Variants in PALD1 observed in about 807,000 individuals in gnomAD.
PALD1 encodes the protein paladin.
A neutral mutation model predicts 96.0 loss-of-function variants in PALD1; 57 were observed. The observed-to-expected ratio is 0.59, with a 90% CI of 0.48 to 0.74. PALD1 has a LOEUF of 0.74. Among genes scored for constraint, PALD1 ranks in the 30% least tolerant of loss-of-function variants. The pLI is 0.00. For missense variants in PALD1, 1,063 were observed against 1,143.7 expected (o/e 0.93, Z 1.02); for synonymous variants, 464 against 473.6 (o/e 0.98, Z 0.26).
intron 10 of PALD1, among the ~76,000 whole-genome samples, chr10:70,535,056 C>G (rs1010870369): frequency 2.0e-5 from 3 of 152,230 alleles, no homozygotes; most frequent in Non-Finnish European, 4.4e-5. Flanking sequence ...TGACCAGGTC[C>G]CTTCAGCTGC....
chr10:70,478,089 T>A (rs1299489512), upstream of PALD1, among the ~76,000 whole-genome samples: 1 of 145,528 alleles, frequency 6.9e-6, no homozygotes, highest in East Asian at 2.1e-4. Context: ...TGGAGCCGCA[T>A]GATGGGTGGG....
chr10:70,535,825 T>C (rs1847104715), intron 10 of PALD1, among the ~76,000 whole-genome samples: 1 of 152,040 alleles, frequency 6.6e-6, no homozygotes, highest in Admixed American at 6.6e-5. Flanking sequence ...CTCAACCTCC[T>C]GAGTATCTGG....
At chr10:70,491,840 G>A (rs969377377) in intron 1 of PALD1, among the ~76,000 whole-genome samples, 4 of 152,188 alleles carry the variant, frequency 2.6e-5, no homozygotes, top group Admixed American at 1.3e-4. Flanking sequence ...GGGGAATCAT[G>A]TAATATGTGA....
In PALD1 at chr10:70,539,386, C is replaced by A; in HGVS notation, c.1725+139C>A. 3 of 1,066,554 alleles carry A rather than the reference C, an allele frequency of 2.8e-6. No individual in the cohort carries two copies. Among genetic ancestry groups the A allele is most frequent in the Non-Finnish European group, 4.0e-6 (3 of 758,166 alleles). The allele number at this position is 1,066,554 out of a possible 1,614,324, so 66.1% of individuals were successfully genotyped here. A position where few individuals can be genotyped will look rare whatever the true frequency, so the allele number is the denominator to read the frequency against. On this transcript the variant is annotated intron_variant, in intron 14 of 19. Transcript: ENST00000263563. The surrounding 1 kb of genome is among the most constrained non-coding windows in gnomAD (Gnocchi z 4.5). ...GGGAGGAGCAGTGTCAGGGAGTGGC[C>A]AACTCAGGATTCCCACTAAAGTGCT... is the stretch of plus-strand genomic sequence containing the variant.
At chr10:70,564,013 G>A (rs547550689) in intron 18 of PALD1, among the ~76,000 whole-genome samples, 3 of 152,308 alleles carry the variant, frequency 2.0e-5, no homozygotes, top group East Asian at 3.9e-4. Flanking sequence ...CATCGGTCCT[G>A]CCGTGTGGGA....
intron 7 of PALD1, among the ~76,000 whole-genome samples, chr10:70,533,530 A>T (rs1271784671): frequency 6.6e-6 from 1 of 151,816 alleles, no homozygotes; most frequent in Middle Eastern, 3.2e-3. Flanking sequence ...ACCTCTCTAG[A>T]CCTCAGTTCC....
In PALD1 at chr10:70,534,116, G is replaced by A. The variant is rs80023118; in HGVS notation, c.1022+43G>A. 2.1e-3 allele frequency: 3,148 copies of A among 1,515,846 alleles called. 97 individuals are homozygous for A. In the East Asian group the frequency reaches 0.054, roughly 26 times the overall value. The allele number at this position is 1,515,846 out of a possible 1,614,324, so 93.9% of individuals were successfully genotyped here. A position where few individuals can be genotyped will look rare whatever the true frequency, so the allele number is the denominator to read the frequency against. On this transcript the variant is annotated intron_variant, in intron 8 of 19. Coordinates refer to ENST00000263563, the MANE Select transcript of PALD1 (RefSeq NM_014431.3). ...CAGCGTCCTGAAGGGCTGTGGGGCC[G>A]AGGAGGGGACAGGCTGCCCCACAGT...
intron 18 of PALD1, among the ~76,000 whole-genome samples, chr10:70,551,774 G>C (rs1847484574): frequency 6.6e-6 from 1 of 152,168 alleles, no homozygotes; most frequent in African/African-American, 2.4e-5. Context: ...TTGGAGGTCA[G>C]TTTCCTGTTG....
chr10:70,473,901 C>G (rs1049516481), upstream of PALD1, among the ~76,000 whole-genome samples: 17 of 112,860 alleles, frequency 1.5e-4, no homozygotes, highest in Non-Finnish European at 2.2e-4. Context: ...ACCCCCCCCC[C>G]CTCAGCCTCC....
intron 1 of PALD1, among the ~76,000 whole-genome samples, chr10:70,500,607 C>G (rs574451315): frequency 4.6e-5 from 7 of 152,252 alleles, no homozygotes; most frequent in African/African-American, 1.7e-4. Flanking sequence ...TTTCGGGAAG[C>G]CTTCCCAGAG....
chr10:70,496,759 G>A (rs1846202185), intron 1 of PALD1, among the ~76,000 whole-genome samples: 1 of 152,164 alleles, frequency 6.6e-6, no homozygotes, highest in South Asian at 2.1e-4. Context: ...GCTTCTCTAG[G>A]ACGTAGAGCC....
chr10:70,506,411 A>T (rs1277630375), intron 1 of PALD1, among the ~76,000 whole-genome samples: 1 of 152,154 alleles, frequency 6.6e-6, no homozygotes, highest in South Asian at 2.1e-4. Flanking sequence ...GGACCCCTGG[A>T]AGGAAGGCGC....
At chr10:70,529,152 CTG>C (rs1589197288) in intron 2 of PALD1, 75 bp from the exon 3 acceptor site, 1 of 633,882 alleles carries the variant, frequency 1.6e-6, no homozygotes, top group East Asian at 3.2e-5. Flanking sequence ...GCGGTGGGCT[CTG>C]TGAGGGTGGA....
At chr10:70,459,939 T>TAA in the PALD1 span, among the ~76,000 whole-genome samples, 2 of 152,200 alleles carry the variant, frequency 1.3e-5, no homozygotes, top group Non-Finnish European at 2.9e-5. Context: ...ACTCCCCGCT[T>TAA]CACGGTCACC....
chr10:70,460,394 G>T, the PALD1 span, among the ~76,000 whole-genome samples: 1 of 152,098 alleles, frequency 6.6e-6, no homozygotes, highest in African/African-American at 2.4e-5. Flanking sequence ...TGCGTCTCCC[G>T]TGGGCTCCCT....
chr10:70,515,919 G>A (rs555034444), intron 1 of PALD1, among the ~76,000 whole-genome samples: 17 of 152,220 alleles, frequency 1.1e-4, no homozygotes, highest in African/African-American at 2.4e-4. Flanking sequence ...GCAAGCCCTC[G>A]CTTTTCTTTT....
Position 70,525,985 on chromosome 10 carries a change from G to T in PALD1, c.34G>T (p.Val12Phe). Residue 12 changes from valine (V) to phenylalanine (F), a missense_variant, in exon 2 of 20, where the codon GTC becomes TTC. Physicochemically the swap from Val to Phe is conservative, Grantham distance 50. Transcript: ENST00000263563. ...AACGGCCAGCACAGCCCAGCAGACG[G>T]TCTCGGCAGGCACCCCATTTGAGGG... ...GTTASTAQQT[V>F]SAGTPFEGLQ... The T allele has an allele frequency of 1.9e-6, 3 of 1,614,208 alleles. No individual in the cohort carries two copies. The highest frequency in any genetic ancestry group is 2.5e-6 in the Non-Finnish European group (3 of 1,180,052).
the PALD1 span, among the ~76,000 whole-genome samples, chr10:70,461,328 C>G: frequency 1.3e-5 from 2 of 152,150 alleles, no homozygotes; most frequent in African/African-American, 4.8e-5. Context: ...GTCACACTCC[C>G]TAGGAGTACC....
intron 1 of PALD1, among the ~76,000 whole-genome samples, chr10:70,502,293 C>T (rs972969450): frequency 6.6e-6 from 1 of 152,186 alleles, no homozygotes; most frequent in Non-Finnish European, 1.5e-5. Flanking sequence ...TTTTTTCGCT[C>T]CATGTCCTGT....
Sources: gnomAD v4.1 joint callset for allele counts (sites outside exome capture counted in the v4.1 genomes callset) on GRCh38, gnomAD v4.1.1 for gene constraint, Gnocchi (gnomAD v3.1) non-coding constraint, MANE v1.5 for transcripts, NCBI Gene and HGNC (gene_info 2026-07-23, HGNC 2026-07-21) for gene names.